The following LRCH1 variants were observed in gnomAD, a reference collection of about 807,000 sequenced individuals.
The protein encoded by LRCH1 is leucine rich repeats and calponin homology domain containing 1.
Under a neutral mutation model 94.9 loss-of-function variants are expected in LRCH1, and 23 were observed. That is an observed-to-expected ratio of 0.24 (90% CI 0.17 to 0.34). The LOEUF is 0.34. LRCH1 is among the 10% of genes least tolerant of loss of function. The pLI is 1.00. For missense variants in LRCH1, 790 were observed against 945.9 expected (o/e 0.84, Z 2.16); for synonymous variants, 364 against 354.9 (o/e 1.03, Z -0.29).
chr13:46,670,101 G>A (rs2051578041), intron 3 of LRCH1, among the ~76,000 whole-genome samples: 1 of 152,230 alleles, frequency 6.6e-6, no homozygotes, highest in Admixed American at 6.5e-5. Context: ...GTGGGATTGG[G>A]CTAGGAGAGT....
At chr13:46,663,398 A>G (rs1213330271) in intron 2 of LRCH1, among the ~76,000 whole-genome samples, 2 of 152,096 alleles carry the variant, frequency 1.3e-5, no homozygotes, top group African/African-American at 4.8e-5. Context: ...AATGTAGGGG[A>G]AGGGCAGGCA....
intron 1 of LRCH1, among the ~76,000 whole-genome samples, chr13:46,632,295 A>C (rs1402792298): frequency 1.3e-5 from 2 of 151,988 alleles, no homozygotes; most frequent in Non-Finnish European, 2.9e-5. Flanking sequence ...GATGGCCATG[A>C]GGATTTGTGG....
intron 13 of LRCH1, among the ~76,000 whole-genome samples, chr13:46,709,834 A>T (rs951884868): frequency 2.6e-5 from 4 of 152,066 alleles, no homozygotes; most frequent in Non-Finnish European, 5.9e-5. Context: ...CTATGATTTT[A>T]AAAAAGGAGG....
chr13:46,750,620 C>T, exon 19 of LRCH1: 1 of 1,551,826 alleles, frequency 6.4e-7, no homozygotes, highest in East Asian at 2.4e-5. Flanking sequence ...CATTACTAGA[C>T]ATCACCGTAA....
At chr13:46,561,365 G>T (rs2050128377) in intron 1 of LRCH1, among the ~76,000 whole-genome samples, 1 of 152,202 alleles carries the variant, frequency 6.6e-6, no homozygotes, top group Admixed American at 6.5e-5. Context: ...ACAGGTGTGG[G>T]ATGAAACTGA....
At chr13:46,712,826 A>G (rs1872140560) in intron 15 of LRCH1, among the ~76,000 whole-genome samples, 1 of 152,232 alleles carries the variant, frequency 6.6e-6, no homozygotes, top group Non-Finnish European at 1.5e-5. Context: ...CGAGCAAAGA[A>G]AAAACAGGTG....
At chr13:46,626,440 A>G (rs2050950815) in intron 1 of LRCH1, among the ~76,000 whole-genome samples, 2 of 152,180 alleles carry the variant, frequency 1.3e-5, no homozygotes, top group South Asian at 4.1e-4. Context: ...CTAACTGATC[A>G]ATGTACTTTG....
intron 1 of LRCH1, among the ~76,000 whole-genome samples, chr13:46,618,091 G>A (rs2050833354): frequency 6.6e-6 from 1 of 152,158 alleles, no homozygotes; most frequent in South Asian, 2.1e-4. Context: ...ATTGTTGTGT[G>A]AACATCATCG....
chr13:46,623,637 A>G (rs550526832), intron 1 of LRCH1, among the ~76,000 whole-genome samples: 18 of 148,474 alleles, frequency 1.2e-4, no homozygotes, highest in Non-Finnish European at 2.2e-4. Flanking sequence ...TTGTTCCACC[A>G]CTGCTGCCCC....
chr13:46,746,489 G>T (rs1258827687), downstream of LRCH1, among the ~76,000 whole-genome samples: 1 of 152,150 alleles, frequency 6.6e-6, no homozygotes, highest in Non-Finnish European at 1.5e-5. Context: ...TTATTTTTAT[G>T]CAGGAGACTA....
intron 12 of LRCH1, 45 bp from the exon 13 acceptor site, chr13:46,705,223 T>C: frequency 6.3e-7 from 1 of 1,581,734 alleles, no homozygotes; most frequent in Non-Finnish European, 8.6e-7. Context: ...TTCTATGCTT[T>C]AAATTTCACT....
intron 1 of LRCH1, among the ~76,000 whole-genome samples, chr13:46,573,694 G>A (rs968991932): frequency 4.6e-5 from 7 of 151,208 alleles, no homozygotes; most frequent in African/African-American, 1.7e-4. Context: ...TTGAACTCAT[G>A]GACATAGACA....
At position 46,742,937 on chromosome 13, in the gene LRCH1, G is replaced by C; in HGVS notation, c.*1089G>C. 1 of 985,332 alleles carries C rather than the reference G, an allele frequency of 1.0e-6. No homozygotes were observed. Among genetic ancestry groups the C allele is most frequent in the Non-Finnish European group, 1.2e-6 (1 of 829,876 alleles). The allele number at this position is 985,332 out of a possible 1,614,324, so 61.0% of individuals were successfully genotyped here. ...CAAACTGCTTTAAGTCAGCTCAAAG[G>C]ATTATATAGTAACTATATCTGCATT... On this transcript the variant is annotated 3_prime_UTR_variant, in exon 20 of 20. Transcript: ENST00000389797.
intron 1 of LRCH1, among the ~76,000 whole-genome samples, chr13:46,591,531 T>G (rs1243297071): frequency 2.0e-5 from 3 of 152,258 alleles, no homozygotes; most frequent in Non-Finnish European, 4.4e-5. Context: ...GCATTTACTT[T>G]AGGTATCATT....
intron 3 of LRCH1, among the ~76,000 whole-genome samples, chr13:46,672,825 A>T (rs1309871340): frequency 6.6e-6 from 1 of 152,218 alleles, no homozygotes; most frequent in East Asian, 1.9e-4. Context: ...TGTAAAAGGC[A>T]TTTAGTCCAA....
intron 1 of LRCH1, among the ~76,000 whole-genome samples, chr13:46,565,964 C>T (rs865986480): frequency 3.3e-5 from 5 of 151,778 alleles, no homozygotes; most frequent in African/African-American, 9.7e-5. Context: ...TCCTGTGCCA[C>T]GTTGTGTATT....
chr13:46,701,155 G>A lies in LRCH1; in HGVS notation c.1348G>A (p.Ala450Thr). ...SSSKDQDMDI[A>T]MIEQLREAVD... ...ATCCAAAGATCAGGACATGGATATA[G>A]CAATGATCGAGCAGCTGAGAGAAGC... Residue 450 changes from alanine (A) to threonine (T), a missense_variant, in exon 11 of 20, where the codon GCA becomes ACA. Coordinates refer to ENST00000389797, the MANE Select transcript of LRCH1 (RefSeq NM_001164211.2). 1 of 1,613,794 alleles carries A rather than the reference G, an allele frequency of 6.2e-7. No individual in the cohort carries two copies. The highest frequency in any genetic ancestry group is 1.7e-5 in the Admixed American group (1 of 60,012).
At chr13:46,750,547 T>C in exon 19 of LRCH1, 1 of 1,549,474 alleles carries the variant, frequency 6.5e-7, no homozygotes, top group Non-Finnish European at 8.7e-7. Context: ...TAGGAAAAGC[T>C]ATGTCTCCCC....
At chr13:46,689,246 A>G in intron 7 of LRCH1, 50 bp downstream of exon 7, 1 of 1,432,248 alleles carries the variant, frequency 7.0e-7, no homozygotes, top group Non-Finnish European at 9.8e-7. Context: ...AGACATATCT[A>G]CCAGTGTTCA....
Sources: allele counts gnomAD v4.1 joint callset (sites outside exome capture counted in the v4.1 genomes callset), GRCh38; gene constraint gnomAD v4.1.1; transcripts MANE v1.5; gene names NCBI Gene and HGNC (gene_info 2026-07-23, HGNC 2026-07-21).